The following ASPH variants were observed in gnomAD, a reference collection of about 807,000 sequenced individuals.
ASPH encodes aspartate beta-hydroxylase.
Under a neutral mutation model 118.4 loss-of-function variants are expected in ASPH, and 100 were observed. The observed-to-expected ratio is 0.84, with a 90% confidence interval of 0.72 to 1.00. ASPH has a LOEUF of 1.00. ASPH is among the 50% of genes least tolerant of loss of function. The probability of loss-of-function intolerance (pLI) is 0.00; values close to 1 mark genes in which losing one functional copy is unlikely to be tolerated. For synonymous variants in ASPH, 315 were observed against 325.6 expected (o/e 0.97, Z 0.35); for missense variants, 920 against 919.5 (o/e 1.00, Z -0.01).
At chr8:61,617,215 G>A (rs1454298136) in intron 14 of ASPH, among the ~76,000 whole-genome samples, 1 of 152,104 alleles carries the variant, frequency 6.6e-6, no homozygotes, top group Non-Finnish European at 1.5e-5. Context: ...ATGGGGAAAT[G>A]CTCCGAGGAC....
At position 61,535,840 on chromosome 8, in the gene ASPH, G is replaced by C. The variant is rs201288447; in HGVS notation, c.1765-9728C>G. 5.9e-5 allele frequency among the ~76,000 whole-genome samples: 9 copies of C among 152,192 alleles called. No homozygotes were observed. In the East Asian group the frequency reaches 1.4e-3, roughly 23 times the overall value. The stretch of plus-strand genomic sequence containing the variant: ...TCCCAGGATGGCGGGGATCCCCCTG[G>C]GTGCTGAGACGAGGTTATTACATCA... On this transcript the variant is annotated intron_variant, in intron 21 of 24. Transcript: ENST00000379454.
chr8:61,665,677 G>T, intron 3 of ASPH: 1 of 1,441,142 alleles, frequency 6.9e-7, no homozygotes, highest in Non-Finnish European at 9.2e-7. Context: ...CAGGAAGTTA[G>T]TGAAAAGGTA....
Position 61,638,373 on chromosome 8 carries a change from A to G in ASPH, c.791-10T>C, listed in dbSNP as rs780161261. The stretch of plus-strand genomic sequence containing the variant: ...AGAGGTTCATATACTGCTAAAAAAA[A>G]AAAAACAGAAACAAAATCCCGTAAC... On this transcript the variant is annotated splice_polypyrimidine_tract_variant and intron_variant, in intron 10 of 24. Coordinates refer to ENST00000379454, the MANE Select transcript of ASPH (RefSeq NM_004318.4). The G allele has an allele frequency of 6.4e-7, 1 of 1,571,368 alleles. No individual in the cohort carries two copies. The highest frequency in any genetic ancestry group is 1.9e-5 in the Admixed American group (1 of 52,056).
At chr8:61,541,241 G>A (rs369782653) in intron 21 of ASPH, among the ~76,000 whole-genome samples, 7 of 152,288 alleles carry the variant, frequency 4.6e-5, no homozygotes, top group African/African-American at 1.7e-4. Flanking sequence ...GTGGGCACCT[G>A]TAGTCCCAGC....
At chr8:61,635,102 C>T (rs1170528926) in intron 12 of ASPH, among the ~76,000 whole-genome samples, 1 of 152,152 alleles carries the variant, frequency 6.6e-6, no homozygotes, top group Non-Finnish European at 1.5e-5. Flanking sequence ...CCCTAATTTA[C>T]TCAAATGGCT....
intron 15 of ASPH, chr8:61,579,167 G>C: frequency 6.2e-7 from 1 of 1,612,322 alleles, no homozygotes; most frequent in South Asian, 1.1e-5. Flanking sequence ...ACATCAGCCA[G>C]CTCCAGGCTG....
At chr8:61,551,355 T>C (rs1825925996) in intron 20 of ASPH, among the ~76,000 whole-genome samples, 1 of 152,224 alleles carries the variant, frequency 6.6e-6, no homozygotes, top group South Asian at 2.1e-4. Context: ...GAAAGGTGTT[T>C]ACTTCCTGAC....
At position 61,518,094 on chromosome 8, in the gene ASPH, C is replaced by T. The variant is rs1011676489; in HGVS notation, c.1930G>A (p.Ala644Thr). 6.2e-7 allele frequency: 1 copy of T among 1,613,862 alleles called. No homozygotes were observed. The highest frequency in any genetic ancestry group is 8.5e-7 in the Non-Finnish European group (1 of 1,179,852). ...GRRNENACKGAPKTCTLLEKF... is the reference protein window; with the variant it reads ...GRRNENACKGTPKTCTLLEKF... ...TCTAGTAAGGTACAGGTTTTAGGAGCTCCTTTGCAGGCATTTTCATTTCTT... is the reference window on the plus strand; with the variant it reads ...TCTAGTAAGGTACAGGTTTTAGGAGTTCCTTTGCAGGCATTTTCATTTCTT... The change falls in exon 23 of 25, where the codon GCT (alanine) becomes ACT (threonine). Residue 644 changes from alanine (A) to threonine (T), a missense_variant. Coordinates refer to ENST00000379454, the MANE Select transcript of ASPH (RefSeq NM_004318.4).
At chr8:61,708,546 T>G (rs976912445) in intron 1 of ASPH, among the ~76,000 whole-genome samples, 1 of 151,954 alleles carries the variant, frequency 6.6e-6, no homozygotes, top group African/African-American at 2.4e-5. Context: ...ATTAGAAGAA[T>G]AATAAATAAG....
chr8:61,672,417 C>A (rs1823047415), intron 3 of ASPH, among the ~76,000 whole-genome samples: 1 of 151,790 alleles, frequency 6.6e-6, no homozygotes, highest in South Asian at 2.1e-4. Flanking sequence ...GGAAAGGTCA[C>A]CTGAAGACTT....
intron 3 of ASPH, chr8:61,663,234 T>C (rs1160284389): frequency 3.0e-6 from 3 of 985,278 alleles, no homozygotes; most frequent in East Asian, 2.3e-4. Context: ...CTACATTTGA[T>C]GAAGTTTGAG....
intron 3 of ASPH, among the ~76,000 whole-genome samples, chr8:61,667,366 TTTATTA>T (rs993805392): frequency 6.7e-6 from 1 of 150,340 alleles, no homozygotes; most frequent in Non-Finnish European, 1.5e-5. Context: ...TAATAACTTA[TTTATTA>T]TTATTATTAT....
At chr8:61,656,836 T>C (rs1044281330) in intron 3 of ASPH, 8 of 152,090 alleles carry the variant, frequency 5.3e-5, no homozygotes, top group African/African-American at 1.9e-4. Context: ...GTGACACAAA[T>C]ACCCAAGCCC....
chr8:61,517,779 T>A (rs768376344), intron 23 of ASPH, 118 bp from the exon 24 acceptor site: 109 of 1,343,174 alleles, frequency 8.1e-5, no homozygotes, highest in Middle Eastern at 1.9e-4. Flanking sequence ...TAAGATTTAA[T>A]ATTTATATTC....
chr8:61,688,636 T>C (rs151266799), intron 1 of ASPH, among the ~76,000 whole-genome samples: 2,812 of 152,300 alleles, frequency 0.018, 42 homozygotes, highest in Non-Finnish European at 0.026. Context: ...ACATTTAAAG[T>C]TTTTTGAAAA....
Position 61,555,989 on chromosome 8 carries a change from T to C in ASPH, c.1471A>G (p.Lys491Glu). Residue 491 changes from lysine (K) to glutamate (E), a missense_variant, in exon 19 of 25, where the codon AAA (lysine) becomes GAA (glutamate). Lys to Glu is a moderately conservative substitution (Grantham distance 56). Transcript: ENST00000379454. ...LSVTPNDGFA[K>E]VHYGFILKAQ... ...TTCAGGATGAAGCCATAATGGACTT[T>C]AGCAAAGCCATCATTAGGTGTCACA... 3 of 1,614,084 alleles carry C rather than the reference T, an allele frequency of 1.9e-6. No homozygotes were observed. Among genetic ancestry groups the C allele is most frequent in the South Asian group, 1.1e-5 (1 of 91,060 alleles).
At chr8:61,667,621 TC>T (rs1820362945) in intron 3 of ASPH, among the ~76,000 whole-genome samples, 1 of 152,174 alleles carries the variant, frequency 6.6e-6, no homozygotes, top group African/African-American at 2.4e-5. Flanking sequence ...CGCCTCAGCT[TC>T]CCAAAGGGCT....
At chr8:61,653,347 A>G (rs1469543145) in intron 4 of ASPH, among the ~76,000 whole-genome samples, 1 of 152,262 alleles carries the variant, frequency 6.6e-6, no homozygotes, top group Non-Finnish European at 1.5e-5. Context: ...GGTTTTGGAC[A>G]AAGAACAACT....
rs1178466766 is a variant in ASPH, at chr8:61,668,410, T to C, written c.322+12558A>G. 4.7e-6 allele frequency: 3 copies of C among 639,200 alleles called. No individual in the cohort carries two copies. The East Asian group carries it at 9.1e-5, about 19-fold the overall frequency. 39.6% of individuals were successfully genotyped at this position (639,200 alleles called of 1,614,324 possible). A position where few individuals can be genotyped will look rare whatever the true frequency, so the allele number is the denominator to read the frequency against. On this transcript the variant is annotated intron_variant, in intron 3 of 24. Coordinates refer to ENST00000379454, the MANE Select transcript of ASPH (RefSeq NM_004318.4). Reference sequence around the variant, plus strand: ...GTTAGTTAAATTCATCATTAAAAAATACTCCAATATCTCTCTTATTTGTCA... The same window carrying C: ...GTTAGTTAAATTCATCATTAAAAAACACTCCAATATCTCTCTTATTTGTCA...
Sources: allele counts gnomAD v4.1 joint callset (sites outside exome capture counted in the v4.1 genomes callset), GRCh38; gene constraint gnomAD v4.1.1; transcripts MANE v1.5; gene names NCBI Gene and HGNC (gene_info 2026-07-23, HGNC 2026-07-21).